Variants in LPP observed in about 807,000 individuals in gnomAD.
LPP encodes lipoma-preferred partner.
Under a neutral mutation model 60.4 loss-of-function variants are expected in LPP, and 38 were observed. That is an observed-to-expected ratio of 0.63 (90% CI 0.49 to 0.83). The LOEUF (loss-of-function observed/expected upper bound fraction) is 0.83, where lower values mean the gene tolerates loss of function less well. Ranked by LOEUF, LPP falls within the 40% of genes least tolerant of loss-of-function variation. LPP has a pLI of 0.00. For synonymous variants in LPP, 328 were observed against 290.8 expected, an observed-to-expected ratio of 1.13 and a Z score of -1.30; for missense variants, 902 against 783.6, an observed-to-expected ratio of 1.15 and a Z score of -1.80.
chr3:188,384,165 T>A (rs947276097), intron 3 of LPP, among the ~76,000 whole-genome samples: 2 of 152,236 alleles, frequency 1.3e-5, no homozygotes, highest in Admixed American at 1.3e-4. Context: ...TGTATTGTTT[T>A]ATGAAGTGTA....
At chr3:188,817,889 C>G (rs115228473) in intron 9 of LPP, among the ~76,000 whole-genome samples, 2 of 152,276 alleles carry the variant, frequency 1.3e-5, no homozygotes, top group East Asian at 3.9e-4. Context: ...TAAGAGTTTA[C>G]GTTTTTGTTC....
At chr3:188,614,258 T>C (rs1042702587) in intron 7 of LPP, among the ~76,000 whole-genome samples, 1 of 152,138 alleles carries the variant, frequency 6.6e-6, no homozygotes, top group African/African-American at 2.4e-5. Context: ...GAGAAAGTTA[T>C]ATACATTGAT....
chr3:188,500,482 A>G (rs9866171), intron 5 of LPP, among the ~76,000 whole-genome samples: 28,553 of 151,952 alleles, frequency 0.19, 3,228 homozygotes, highest in East Asian at 0.45. Context: ...TTGACTTGGG[A>G]TATTTGATTG....
intron 9 of LPP, among the ~76,000 whole-genome samples, chr3:188,850,448 A>G (rs1336667089): frequency 6.6e-6 from 1 of 152,184 alleles, no homozygotes; most frequent in African/African-American, 2.4e-5. Flanking sequence ...ATTAATATTT[A>G]GAAAATTCTT....
intron 1 of LPP, among the ~76,000 whole-genome samples, chr3:188,169,470 TG>T (rs1356632368): frequency 1.3e-5 from 2 of 152,226 alleles, no homozygotes; most frequent in Non-Finnish European, 2.9e-5. Context: ...TCCTTTAGAA[TG>T]CTGTGATTCT....
chr3:188,324,968 C>T (rs1170519064), intron 2 of LPP, among the ~76,000 whole-genome samples: 1 of 151,972 alleles, frequency 6.6e-6, no homozygotes, highest in Non-Finnish European at 1.5e-5. Flanking sequence ...TCTATGTTCT[C>T]TCCTTTTTTT....
chr3:188,787,432 GCA>G (rs370252572), intron 9 of LPP, among the ~76,000 whole-genome samples: 3 of 150,768 alleles, frequency 2.0e-5, no homozygotes, highest in African/African-American at 7.3e-5. Flanking sequence ...ACACACACAC[GCA>G]CACACACACA....
At chr3:188,283,982 AAAT>A (rs1314036734) in intron 2 of LPP, among the ~76,000 whole-genome samples, 1 of 151,976 alleles carries the variant, frequency 6.6e-6, no homozygotes, top group East Asian at 1.9e-4. Flanking sequence ...ATCTCAAAAA[AAAT>A]AATAAAAATA....
At chr3:188,447,456 A>G (rs1461943761) in intron 4 of LPP, among the ~76,000 whole-genome samples, 1 of 152,006 alleles carries the variant, frequency 6.6e-6, no homozygotes, top group Non-Finnish European at 1.5e-5. Context: ...CTAAAAATAC[A>G]AAAATTAGTC....
At chr3:188,598,540 A>G (rs1412345348) in intron 6 of LPP, among the ~76,000 whole-genome samples, 1 of 152,182 alleles carries the variant, frequency 6.6e-6, no homozygotes, top group African/African-American at 2.4e-5. Flanking sequence ...TTTATAACAT[A>G]TAATCACATT....
chr3:188,661,501 T>G, intron 7 of LPP, among the ~76,000 whole-genome samples: 1 of 152,196 alleles, frequency 6.6e-6, no homozygotes, highest in South Asian at 2.1e-4. Context: ...TGGCCAGAAT[T>G]TTATTGTCAG....
chr3:188,308,260 C>T (rs1752170316), intron 2 of LPP, among the ~76,000 whole-genome samples: 1 of 152,054 alleles, frequency 6.6e-6, no homozygotes, highest in Non-Finnish European at 1.5e-5. Context: ...TCGCAGCACA[C>T]TATGGGCTGT....
chr3:188,577,747 T>C lies in LPP; in HGVS notation c.430-31414T>C, dbSNP rs1322026640. Among the ~76,000 whole-genome samples the C allele has an allele frequency of 1.3e-4, 7 of 53,704 alleles. No individual in the cohort carries two copies. The East Asian group carries it at 3.9e-3, about 30-fold the overall frequency. 35.2% of individuals were successfully genotyped at this position (53,704 alleles called of 152,430 possible). ...TCTTTGGTTTCCTTCCTTCCTTTGTTCCTTCGTTCCTTCGTTCCTTCCTTC... is the reference window on the plus strand; with the variant it reads ...TCTTTGGTTTCCTTCCTTCCTTTGTCCCTTCGTTCCTTCGTTCCTTCCTTC... On this transcript the variant is annotated intron_variant, in intron 6 of 11. Transcript: ENST00000617246.
intron 3 of LPP, among the ~76,000 whole-genome samples, chr3:188,378,667 AGGT>A (rs1196036680): frequency 1.3e-5 from 2 of 152,150 alleles, no homozygotes; most frequent in African/African-American, 4.8e-5. Context: ...TTCCTGGGTG[AGGT>A]GATGCCTCAC....
At position 188,883,852 on chromosome 3, in the gene LPP, T is replaced by C; in HGVS notation, c.*9373T>C. On this transcript the variant is annotated 3_prime_UTR_variant, in exon 12 of 12. Coordinates refer to ENST00000617246, the MANE Select transcript of LPP (RefSeq NM_001375462.1). ...CCGAAAACTCATTATTTCTAGTTAG[T>C]TCATCTGTGGAAAAGGATATCGTTC... 4.5e-6 allele frequency: 1 copy of C among 222,050 alleles called. No homozygotes were observed. The highest frequency in any genetic ancestry group is 9.0e-6 in the Non-Finnish European group (1 of 111,156). 13.8% of individuals were successfully genotyped at this position (222,050 alleles called of 1,614,324 possible).
At chr3:188,873,106 C>G (rs542604798) in intron 11 of LPP, among the ~76,000 whole-genome samples, 1 of 152,142 alleles carries the variant, frequency 6.6e-6, no homozygotes, top group African/African-American at 2.4e-5. Context: ...TTAACTTTGG[C>G]TCTGAGGCTT....
At chr3:188,211,831 CTTT>C (rs34294160) in intron 1 of LPP, among the ~76,000 whole-genome samples, 1 of 144,678 alleles carries the variant, frequency 6.9e-6, no homozygotes. Context: ...TGTTCTTTTT[CTTT>C]TTTTTTTTTT....
chr3:188,676,598 G>A (rs1201597976), intron 7 of LPP, among the ~76,000 whole-genome samples: 1 of 152,178 alleles, frequency 6.6e-6, no homozygotes, highest in Non-Finnish European at 1.5e-5. Flanking sequence ...TTGTGCCAGG[G>A]TAAAGGGTAA....
chr3:188,843,871 A>T (rs1168825057), intron 9 of LPP, among the ~76,000 whole-genome samples: 1 of 151,638 alleles, frequency 6.6e-6, no homozygotes, highest in Non-Finnish European at 1.5e-5. Flanking sequence ...GTGAGGAAGT[A>T]TCCAAAGCAT....
Sources: gnomAD v4.1 joint callset for allele counts (sites outside exome capture counted in the v4.1 genomes callset) on GRCh38, gnomAD v4.1.1 for gene constraint, MANE v1.5 for transcripts, NCBI Gene and HGNC (gene_info 2026-07-23, HGNC 2026-07-21) for gene names.